TRPC4AP: variants seen among roughly 807,000 people sequenced by gnomAD.
TRPC4AP encodes transient receptor potential cation channel subfamily C member 4 associated protein.
A neutral mutation model predicts 99.0 loss-of-function variants in TRPC4AP; 45 were observed. That is an observed-to-expected ratio of 0.45 (90% CI 0.36 to 0.58). The LOEUF is 0.58. TRPC4AP is among the 20% of genes least tolerant of loss of function. The probability of loss-of-function intolerance (pLI) is 0.00; values close to 1 mark genes in which losing one functional copy is unlikely to be tolerated. For missense variants in TRPC4AP, 879 were observed against 985.3 expected (o/e 0.89, Z 1.44); for synonymous variants, 408 against 385.8 (o/e 1.06, Z -0.67).
intron 7 of TRPC4AP, among the ~76,000 whole-genome samples, chr20:35,035,944 T>C (rs1258439331): frequency 6.6e-6 from 1 of 152,254 alleles, no homozygotes; most frequent in Non-Finnish European, 1.5e-5. Context: ...TGGCTGTTCC[T>C]AAGCAGGAGA....
At chr20:35,086,543 G>GTATA (rs1569158089) in intron 1 of TRPC4AP, among the ~76,000 whole-genome samples, 1 of 32,622 alleles carries the variant, frequency 3.1e-5, no homozygotes, top group Non-Finnish European at 6.2e-5. Context: ...GTGTGTGTGT[G>GTATA]TGTGTGTGTG....
chr20:35,003,027 C>T lies in TRPC4AP; in HGVS notation c.*119G>A. The T allele has an allele frequency of 2.1e-6, 3 of 1,440,570 alleles. No individual in the cohort carries two copies. The highest frequency in any genetic ancestry group is 2.8e-6 in the Non-Finnish European group (3 of 1,060,178). 89.2% of individuals were successfully genotyped at this position (1,440,570 alleles called of 1,614,324 possible). On this transcript the variant is annotated 3_prime_UTR_variant, in exon 19 of 19. Coordinates refer to ENST00000252015, the MANE Select transcript of TRPC4AP (RefSeq NM_015638.3). The stretch of plus-strand genomic sequence containing the variant: ...GGACTTCCCTCCCACCAAGCCTGTA[C>T]CCAAAGACCTGGGGCAGGCAGAGAG...
intron 3 of TRPC4AP, among the ~76,000 whole-genome samples, chr20:35,065,667 T>C (rs1288453202): frequency 1.3e-5 from 2 of 152,104 alleles, no homozygotes; most frequent in East Asian, 3.8e-4. Context: ...GTTTATAAAA[T>C]GACTGGGATT....
intron 1 of TRPC4AP, among the ~76,000 whole-genome samples, chr20:35,090,578 T>C (rs980994829): frequency 6.6e-6 from 1 of 152,100 alleles, no homozygotes; most frequent in African/African-American, 2.4e-5. Flanking sequence ...TTCGCCATGT[T>C]GGCCAGGCTG....
chr20:35,010,384 G>A (rs1023375025), intron 11 of TRPC4AP, 96 bp from the exon 12 acceptor site: 13 of 1,000,886 alleles, frequency 1.3e-5, no homozygotes, highest in Non-Finnish European at 2.0e-5. Context: ...CACTTCCTGT[G>A]GACAGAATCT....
chr20:35,040,344 G>A (rs886601323), intron 7 of TRPC4AP, among the ~76,000 whole-genome samples: 2 of 152,148 alleles, frequency 1.3e-5, no homozygotes, highest in African/African-American at 4.8e-5. Context: ...CCAATTGGTG[G>A]GGGAGCAGTG....
chr20:35,092,119 G>T (rs1207499802), intron 1 of TRPC4AP, among the ~76,000 whole-genome samples: 1 of 152,164 alleles, frequency 6.6e-6, no homozygotes, highest in Non-Finnish European at 1.5e-5. Context: ...ACGAATTCGC[G>T]GCTGTGACAG....
intron 4 of TRPC4AP, among the ~76,000 whole-genome samples, chr20:35,055,258 TA>T (rs748492743): frequency 5.3e-4 from 80 of 152,216 alleles, no homozygotes; most frequent in Non-Finnish European, 1.0e-3. Flanking sequence ...GCTGTTTTCT[TA>T]TTATGCTCCA....
intron 9 of TRPC4AP, among the ~76,000 whole-genome samples, chr20:35,020,127 C>T (rs891538373): frequency 2.0e-5 from 3 of 152,170 alleles, no homozygotes; most frequent in Non-Finnish European, 2.9e-5. Flanking sequence ...TCTTTCAAAA[C>T]ATATCCAGAA....
At position 35,009,466 on chromosome 20, in the gene TRPC4AP, A is replaced by AC. The variant is rs769945991; in HGVS notation, c.1511+720dup. On this transcript the variant is annotated intron_variant, in intron 12 of 18. Transcript: ENST00000252015. ...AGACCAGCCTGGGCAACATAGTGAGACCCCATCTCTACAAAAAAAAAGTAA... is the reference window on the plus strand; with the variant it reads ...AGACCAGCCTGGGCAACATAGTGAGACCCCCATCTCTACAAAAAAAAAGTAA... Among the ~76,000 whole-genome samples the AC allele has an allele frequency of 5.1e-3, 735 of 143,892 alleles. 4 individuals carry two copies. The highest frequency in any genetic ancestry group is 8.8e-3 in the Non-Finnish European group (572 of 64,724). The allele number at this position is 143,892 out of a possible 152,430, so 94.4% of individuals were successfully genotyped here. A position where few individuals can be genotyped will look rare whatever the true frequency, so the allele number is the denominator to read the frequency against.
chr20:35,012,327 G>A (rs151036154), intron 11 of TRPC4AP, among the ~76,000 whole-genome samples: 59 of 152,308 alleles, frequency 3.9e-4, no homozygotes, highest in African/African-American at 1.3e-3. Flanking sequence ...CTTAATTTCT[G>A]CCTTTGCTTG....
Position 35,086,575 on chromosome 20 carries a change from G to GTATATATA in TRPC4AP, c.168+6031_168+6038dup, listed in dbSNP as rs372161656. On this transcript the variant is annotated intron_variant, in intron 1 of 18. Coordinates refer to ENST00000252015, the MANE Select transcript of TRPC4AP (RefSeq NM_015638.3). ...TGTGTGTGTGTGTGTGTGTGTGTGT[G>GTATATATA]TATATATATATGAATAAGACTTTAT... 3.3e-3 allele frequency among the ~76,000 whole-genome samples: 298 copies of GTATATATA among 89,776 alleles called. 14 individuals are homozygous for GTATATATA. Among genetic ancestry groups the GTATATATA allele is most frequent in the East Asian group, 0.018 (54 of 2,932 alleles). 58.9% of individuals were successfully genotyped at this position (89,776 alleles called of 152,430 possible). A position where few individuals can be genotyped will look rare whatever the true frequency, so the allele number is the denominator to read the frequency against.
At chr20:35,078,719 A>T (rs567204734) in intron 1 of TRPC4AP, among the ~76,000 whole-genome samples, 6 of 152,356 alleles carry the variant, frequency 3.9e-5, no homozygotes, top group African/African-American at 1.4e-4. Context: ...CCAAGATCCA[A>T]CAATATGCTG....
intron 1 of TRPC4AP, among the ~76,000 whole-genome samples, chr20:35,080,788 T>C (rs1211924921): frequency 1.5e-5 from 2 of 131,072 alleles, no homozygotes; most frequent in Non-Finnish European, 3.1e-5. Context: ...TAAAAACCAC[T>C]GACTTGTACA....
chr20:35,043,816 AGTTGACCACG>A (rs1175695723), intron 7 of TRPC4AP, among the ~76,000 whole-genome samples: 2 of 152,240 alleles, frequency 1.3e-5, no homozygotes, highest in Non-Finnish European at 2.9e-5. Context: ...TTCGGATTGC[AGTTGACCACG>A]GATAACTGAA....
chr20:35,047,956 A>C (rs74906646), intron 6 of TRPC4AP, among the ~76,000 whole-genome samples: 2,210 of 152,240 alleles, frequency 0.015, 71 homozygotes, highest in African/African-American at 0.05. Context: ...AAACAAAAAA[A>C]AAGAGGATAT....
chr20:35,079,055 A>T (rs2084556343), intron 1 of TRPC4AP, among the ~76,000 whole-genome samples: 1 of 152,148 alleles, frequency 6.6e-6, no homozygotes, highest in Non-Finnish European at 1.5e-5. Context: ...GACAGACCAA[A>T]ACTCTGTCTC....
intron 10 of TRPC4AP, among the ~76,000 whole-genome samples, 180 bp downstream of exon 10, chr20:35,015,828 G>C (rs911808832): frequency 2.0e-5 from 3 of 152,108 alleles, no homozygotes; most frequent in Non-Finnish European, 2.9e-5. Flanking sequence ...AGGTTGGGGT[G>C]GGGAGTGGAG....
intron 1 of TRPC4AP, among the ~76,000 whole-genome samples, chr20:35,084,394 C>T (rs2084741413): frequency 6.6e-6 from 1 of 151,238 alleles, no homozygotes. Context: ...AATTTAAAAA[C>T]AGTAAAATAA....
Sources: gnomAD v4.1 joint callset for allele counts (sites outside exome capture counted in the v4.1 genomes callset) on GRCh38, gnomAD v4.1.1 for gene constraint, MANE v1.5 for transcripts, NCBI Gene and HGNC (gene_info 2026-07-23, HGNC 2026-07-21) for gene names.